GRIK2: variants seen among roughly 807,000 people sequenced by gnomAD.
GRIK2 encodes glutamate receptor ionotropic, kainate 2.
GRIK2 carries 32 observed loss-of-function variants against 100.3 expected under a neutral mutation model. The ratio of observed to expected loss-of-function variants is 0.32; its 90% CI spans 0.24 to 0.43. The LOEUF is 0.43. Among genes scored for constraint, GRIK2 ranks in the 20% least tolerant of loss-of-function variants. The pLI, the probability that GRIK2 is intolerant of heterozygous loss-of-function variation, is 1.00. For missense variants in GRIK2, 843 were observed against 1,114.9 expected (o/e 0.76, Z 3.47); for synonymous variants, 417 against 389.4 (o/e 1.07, Z -0.83).
chr6:101,582,896 A>G (rs765336479), intron 2 of GRIK2, among the ~76,000 whole-genome samples: 19 of 149,156 alleles, frequency 1.3e-4, no homozygotes, highest in Non-Finnish European at 2.3e-4. Context: ...TTTCTTGTCC[A>G]TAGCCACTAC....
At chr6:101,723,474 C>A (rs1403229041) in intron 7 of GRIK2, among the ~76,000 whole-genome samples, 1 of 151,878 alleles carries the variant, frequency 6.6e-6, no homozygotes, top group Non-Finnish European at 1.5e-5. Context: ...TTTGAGTCAG[C>A]CAATTACTAG....
chr6:101,820,675 C>T (rs971822838), intron 10 of GRIK2, among the ~76,000 whole-genome samples: 5 of 152,162 alleles, frequency 3.3e-5, no homozygotes, highest in Admixed American at 1.3e-4. Context: ...ATCTCTTGAC[C>T]TCGTGATCCG....
At chr6:102,048,941 T>A (rs1369059420) in intron 15 of GRIK2, among the ~76,000 whole-genome samples, 1 of 152,100 alleles carries the variant, frequency 6.6e-6, no homozygotes, top group Non-Finnish European at 1.5e-5. Flanking sequence ...CAATACCCAG[T>A]AAGCCCTTTA....
At chr6:101,473,141 C>CTTCCTTCCTTCT (rs1394829025) in intron 2 of GRIK2, among the ~76,000 whole-genome samples, 1 of 100,650 alleles carries the variant, frequency 9.9e-6, no homozygotes, top group Admixed American at 1.1e-4. Flanking sequence ...TCCTTCCTTC[C>CTTCCTTCCTTCT]TTCCTTCCTT....
intron 10 of GRIK2, among the ~76,000 whole-genome samples, chr6:101,821,165 A>C (rs1405034336): frequency 1.3e-5 from 2 of 152,168 alleles, no homozygotes; most frequent in Admixed American, 1.3e-4. Context: ...AAAATTATCT[A>C]GTACAAATAA....
At chr6:101,834,925 A>C (rs1456093743) in intron 10 of GRIK2, among the ~76,000 whole-genome samples, 1 of 152,048 alleles carries the variant, frequency 6.6e-6, no homozygotes. Flanking sequence ...GTACTACCTG[A>C]GCTTGGGAGA....
intron 2 of GRIK2, among the ~76,000 whole-genome samples, chr6:101,440,809 C>T (rs1770001349): frequency 6.6e-6 from 1 of 152,076 alleles, no homozygotes; most frequent in East Asian, 1.9e-4. Context: ...CTGCGCCCTT[C>T]CTCCTAAATA....
intron 2 of GRIK2, among the ~76,000 whole-genome samples, chr6:101,546,955 C>A (rs1449987662): frequency 6.7e-6 from 1 of 148,288 alleles, no homozygotes; most frequent in Non-Finnish European, 1.5e-5. Context: ...CTCAGCCTCC[C>A]AAGTAGCTGG....
intron 14 of GRIK2, among the ~76,000 whole-genome samples, chr6:101,958,943 G>A (rs1792114047): frequency 6.6e-6 from 1 of 151,840 alleles, no homozygotes; most frequent in Non-Finnish European, 1.5e-5. Flanking sequence ...TTTTTTAGAG[G>A]ATTATTGTGT....
At chr6:101,519,096 T>C (rs191430563) in intron 2 of GRIK2, among the ~76,000 whole-genome samples, 17 of 152,310 alleles carry the variant, frequency 1.1e-4, no homozygotes, top group African/African-American at 4.1e-4. Flanking sequence ...GCCTTGCCTC[T>C]GAACTAAGAA....
chr6:101,907,403 CT>C (rs1656556744), intron 12 of GRIK2, among the ~76,000 whole-genome samples: 1 of 150,660 alleles, frequency 6.6e-6, no homozygotes, highest in Non-Finnish European at 1.5e-5. Context: ...AAAAAAAAAG[CT>C]GAGCATATCA....
chr6:101,948,007 T>A (rs781061668), intron 14 of GRIK2, among the ~76,000 whole-genome samples: 1 of 152,208 alleles, frequency 6.6e-6, no homozygotes, highest in Non-Finnish European at 1.5e-5. Context: ...GTAGAAACCT[T>A]GGAATATTTG....
chr6:102,028,407 C>A (rs1271242564), intron 14 of GRIK2, among the ~76,000 whole-genome samples: 1 of 151,216 alleles, frequency 6.6e-6, no homozygotes, highest in Non-Finnish European at 1.5e-5. Flanking sequence ...GGCTTACAAG[C>A]CTCGGCATTT....
At chr6:101,513,002 A>G (rs1701937149) in intron 2 of GRIK2, among the ~76,000 whole-genome samples, 1 of 151,580 alleles carries the variant, frequency 6.6e-6, no homozygotes. Context: ...TCCATTAAAT[A>G]TTATTATTTT....
intron 2 of GRIK2, among the ~76,000 whole-genome samples, chr6:101,604,121 A>T (rs1582810336): frequency 6.6e-6 from 1 of 151,788 alleles, no homozygotes; most frequent in East Asian, 1.9e-4. Context: ...TCTTTCGAGG[A>T]TTTATCTTTG....
intron 14 of GRIK2, among the ~76,000 whole-genome samples, chr6:101,980,527 C>T (rs1793651306): frequency 1.3e-5 from 2 of 151,874 alleles, no homozygotes. Flanking sequence ...ATAAATTGTA[C>T]AACCAACAAT....
chr6:101,802,408 G>C lies in GRIK2; in HGVS notation c.1173G>C (p.Val391=), dbSNP rs1290628257. 1 of 1,579,414 alleles carries C rather than the reference G, an allele frequency of 6.3e-7. No individual in the cohort carries two copies. The highest frequency in any genetic ancestry group is 8.6e-7 in the Non-Finnish European group (1 of 1,158,560). Residue 391 remains valine, a synonymous_variant, in exon 9 of 17, where the codon GTG becomes GTC. Transcript: ENST00000369134. ...NGLRTDFDLD[V]ISLKEEGLEK... The stretch of plus-strand genomic sequence containing the variant: ...TGAGAACAGATTTTGATTTGGATGT[G>C]ATCAGTCTGAAGGAAGAAGGTCTAG...
At chr6:101,880,059 G>T (rs1001009859) in intron 11 of GRIK2, among the ~76,000 whole-genome samples, 26 of 151,934 alleles carry the variant, frequency 1.7e-4, no homozygotes, top group Non-Finnish European at 1.5e-4. Flanking sequence ...GACTACTGTG[G>T]CTATCTAGTG....
At chr6:101,682,457 C>T in intron 5 of GRIK2, 96 bp from the exon 6 acceptor site, 1 of 702,974 alleles carries the variant, frequency 1.4e-6, no homozygotes, top group Non-Finnish European at 2.6e-6. Context: ...TAGGTTGATT[C>T]TTTATCACAT....
Sources: allele counts gnomAD v4.1 joint callset (sites outside exome capture counted in the v4.1 genomes callset), GRCh38; gene constraint gnomAD v4.1.1; transcripts MANE v1.5; gene names NCBI Gene and HGNC (gene_info 2026-07-23, HGNC 2026-07-21).